Variants in RALGAPA2 observed in about 807,000 individuals in gnomAD.
RALGAPA2 encodes the protein Ral GTPase activating protein catalytic subunit alpha 2, also known as ral GTPase-activating protein subunit alpha-2.
In RALGAPA2, 139 loss-of-function variants were observed where a neutral mutation model predicts 230.4. That is an observed-to-expected ratio of 0.60 (90% CI 0.53 to 0.69). RALGAPA2 has a LOEUF of 0.69. Among genes scored for constraint, RALGAPA2 ranks in the 30% least tolerant of loss-of-function variants. The pLI is 0.00. For synonymous variants in RALGAPA2, 847 were observed against 837.8 expected, an observed-to-expected ratio of 1.01 and a Z score of -0.19; for missense variants, 2,163 against 2,276.0, an observed-to-expected ratio of 0.95 and a Z score of 1.01.
chr20:20,647,959 T>C (rs1381511116), intron 4 of RALGAPA2, among the ~76,000 whole-genome samples: 2 of 152,106 alleles, frequency 1.3e-5, no homozygotes, highest in South Asian at 2.1e-4. Context: ...TAGTTAAACA[T>C]ACACTGTTAC....
Position 20,618,270 on chromosome 20 carries a change from G to C in RALGAPA2, c.1539+1007C>G, listed in dbSNP as rs370571823. 5.1e-4 allele frequency among the ~76,000 whole-genome samples: 77 copies of C among 152,312 alleles called. 2 individuals are homozygous for C. The South Asian group carries it at 0.016, about 31-fold the overall frequency. On this transcript the variant is annotated intron_variant, in intron 12 of 39. Transcript: ENST00000202677. ...TGGAGATCCCCTTAGCTAAAAGATG[G>C]AGCTACTGAGGGACAAAGGGCAAGG...
chr20:20,577,308 A>C (rs1230326329), intron 20 of RALGAPA2, among the ~76,000 whole-genome samples: 1 of 152,184 alleles, frequency 6.6e-6, no homozygotes, highest in East Asian at 1.9e-4. Context: ...GCTCACTATA[A>C]TAAGCTATGC....
chr20:20,542,706 TA>T (rs2063678776), intron 24 of RALGAPA2, among the ~76,000 whole-genome samples: 2 of 152,158 alleles, frequency 1.3e-5, no homozygotes, highest in Non-Finnish European at 2.9e-5. Flanking sequence ...TGGCTAGCCA[TA>T]TGCAGAAAAC....
At chr20:20,646,192 C>CT (rs1776088100) in intron 4 of RALGAPA2, among the ~76,000 whole-genome samples, 2 of 152,018 alleles carry the variant, frequency 1.3e-5, no homozygotes, top group Admixed American at 6.5e-5. Flanking sequence ...GTAGCTAAGA[C>CT]TACAGGCATG....
At chr20:20,505,244 T>C (rs1177111550) in intron 34 of RALGAPA2, 167 bp downstream of exon 34, 1 of 926,490 alleles carries the variant, frequency 1.1e-6, no homozygotes, top group Non-Finnish European at 1.3e-6. Context: ...TATTAAATAC[T>C]GACAAGCAAC....
At chr20:20,395,413 C>T (rs900169109) in intron 39 of RALGAPA2, among the ~76,000 whole-genome samples, 1 of 152,238 alleles carries the variant, frequency 6.6e-6, no homozygotes, top group African/African-American at 2.4e-5. Context: ...TGCCTCCTCC[C>T]GGTGATGGAA....
chr20:20,589,629 G>T (rs764609979), intron 17 of RALGAPA2, among the ~76,000 whole-genome samples: 40 of 151,992 alleles, frequency 2.6e-4, no homozygotes, highest in Non-Finnish European at 1.0e-4. Flanking sequence ...ATTTATGTTC[G>T]CACAGGGGAG....
At chr20:20,581,967 GA>G (rs1160683774) in intron 20 of RALGAPA2, among the ~76,000 whole-genome samples, 1 of 152,074 alleles carries the variant, frequency 6.6e-6, no homozygotes, top group African/African-American at 2.4e-5. Flanking sequence ...GTGTGAACAT[GA>G]ATGTGCATCC....
rs374368775 is a variant in RALGAPA2 at position 20,605,359 on chromosome 20, C to G, written c.1854G>C (p.Glu618Asp). 2 of 1,613,878 alleles carry G rather than the reference C, an allele frequency of 1.2e-6. No homozygotes were observed. Among genetic ancestry groups the G allele is most frequent in the African/African-American group, 2.7e-5 (2 of 75,034 alleles). Residue 618 changes from glutamate to aspartate, a missense_variant, in exon 15 of 40, where the codon GAG becomes GAC. Glu to Asp is a conservative substitution (Grantham distance 45). Coordinates refer to ENST00000202677, the MANE Select transcript of RALGAPA2 (RefSeq NM_020343.4). ...GCACACCAAGAAAGTCATCCCAGAG[C>G]TCTCGAGAAATGTACACACAGAGGT... ...RANLCVYISR[E>D]LWDDFLGVLS...
At chr20:20,606,263 GC>G (rs1242001816) in intron 14 of RALGAPA2, among the ~76,000 whole-genome samples, 1 of 151,962 alleles carries the variant, frequency 6.6e-6, no homozygotes, top group Non-Finnish European at 1.5e-5. Flanking sequence ...CCTTTCTGAG[GC>G]CACTTCCACC....
chr20:20,474,964 C>T (rs1275587137), intron 36 of RALGAPA2, among the ~76,000 whole-genome samples: 1 of 152,082 alleles, frequency 6.6e-6, no homozygotes, highest in Admixed American at 6.6e-5. Flanking sequence ...ATGTTTAGAG[C>T]TTAGAGACAT....
chr20:20,589,466 AT>A (rs2065224419), intron 17 of RALGAPA2, 101 bp from the exon 18 acceptor site: 1 of 1,252,850 alleles, frequency 8.0e-7, no homozygotes, highest in Non-Finnish European at 1.1e-6. Context: ...AAATTTAAAT[AT>A]TCTAAGGTAT....
intron 16 of RALGAPA2, among the ~76,000 whole-genome samples, chr20:20,598,227 C>T (rs570283284): frequency 7.9e-5 from 12 of 152,282 alleles, no homozygotes; most frequent in Admixed American, 6.5e-4. Flanking sequence ...CTGGTCATTA[C>T]TTCACATATA....
At position 20,520,930 on chromosome 20, in the gene RALGAPA2, C is replaced by G. The variant is rs763598769; in HGVS notation, c.4071G>C (p.Leu1357=). ...AAGAATACTCACCCTCTTCAACAGT[C>G]AGCAGGTTACCCAATTCTGCTGATG... ...YHSSAELGNL[L]TVEEEKKRRS... Residue 1357 remains leucine (L), a synonymous_variant, in exon 31 of 40, where the codon CTG becomes CTC. Coordinates refer to ENST00000202677, the MANE Select transcript of RALGAPA2 (RefSeq NM_020343.4). 1.2e-6 allele frequency: 2 copies of G among 1,609,676 alleles called. No individual in the cohort carries two copies. The highest frequency in any genetic ancestry group is 1.7e-5 in the Admixed American group (1 of 59,886).
intron 34 of RALGAPA2, chr20:20,505,131 A>G (rs2062494441): frequency 1.0e-6 from 1 of 985,304 alleles, no homozygotes; most frequent in Non-Finnish European, 1.2e-6. Context: ...TTCTCTTACT[A>G]CAAACTGTCT....
At chr20:20,503,218 A>T in intron 35 of RALGAPA2, 133 bp downstream of exon 35, 1 of 891,764 alleles carries the variant, frequency 1.1e-6, no homozygotes, top group Middle Eastern at 3.8e-4. Context: ...TCTTTCCCCA[A>T]ACCTTAATCT....
chr20:20,474,397 A>T (rs1399567240), intron 36 of RALGAPA2, among the ~76,000 whole-genome samples: 1 of 152,240 alleles, frequency 6.6e-6, no homozygotes, highest in East Asian at 1.9e-4. Flanking sequence ...GTAAGATCAA[A>T]TCCTCCTGAG....
intron 31 of RALGAPA2, among the ~76,000 whole-genome samples, chr20:20,513,667 T>C (rs2062785537): frequency 1.3e-5 from 2 of 152,114 alleles, no homozygotes; most frequent in Admixed American, 1.3e-4. Flanking sequence ...CAGAGAATGA[T>C]GTTTCTCTCA....
chr20:20,660,709 G>A (rs1480507250), intron 3 of RALGAPA2, among the ~76,000 whole-genome samples: 1 of 152,096 alleles, frequency 6.6e-6, no homozygotes, highest in African/African-American at 2.4e-5. Flanking sequence ...TCACGATCAT[G>A]CATAAAATAC....
Sources: allele counts gnomAD v4.1 joint callset (sites outside exome capture counted in the v4.1 genomes callset), GRCh38; gene constraint gnomAD v4.1.1; transcripts MANE v1.5; gene names NCBI Gene and HGNC (gene_info 2026-07-23, HGNC 2026-07-21).